Variants in DDR2 observed in about 807,000 individuals in gnomAD.
The protein encoded by DDR2 is discoidin domain-containing receptor 2.
DDR2 carries 27 observed loss-of-function variants against 94.9 expected under a neutral mutation model. That is an observed-to-expected ratio of 0.28 (90% CI 0.21 to 0.39). DDR2 has a LOEUF of 0.39. Ranked by LOEUF, DDR2 falls within the 10% of genes least tolerant of loss-of-function variation. The pLI, the probability that DDR2 is intolerant of heterozygous loss-of-function variation, is 1.00. For synonymous variants in DDR2, 382 were observed against 377.2 expected (o/e 1.01, Z -0.15); for missense variants, 783 against 1,076.0 (o/e 0.73, Z 3.81).
chr1:162,745,509 TATG>T (rs1662809517), intron 3 of DDR2, among the ~76,000 whole-genome samples: 1 of 152,218 alleles, frequency 6.6e-6, no homozygotes, highest in East Asian at 1.9e-4. Context: ...GGGTACAATG[TATG>T]ATAATAGTTT....
chr1:162,671,620 C>G (rs1394336822), intron 2 of DDR2, among the ~76,000 whole-genome samples: 1 of 152,130 alleles, frequency 6.6e-6, no homozygotes, highest in Non-Finnish European at 1.5e-5. Context: ...GTCAGGCTGC[C>G]CCTGGCTTTG....
chr1:162,698,143 A>G (rs1417676354), intron 2 of DDR2, among the ~76,000 whole-genome samples: 1 of 152,214 alleles, frequency 6.6e-6, no homozygotes, highest in African/African-American at 2.4e-5. Context: ...GCTGAATGAA[A>G]TTGAACATGG....
intron 2 of DDR2, among the ~76,000 whole-genome samples, chr1:162,708,758 T>A (rs1198255053): frequency 6.6e-6 from 1 of 152,222 alleles, no homozygotes; most frequent in Non-Finnish European, 1.5e-5. Context: ...GAAGTTTGTA[T>A]TGTTGTTCTT....
At chr1:162,736,956 G>C (rs1018877345) in intron 3 of DDR2, among the ~76,000 whole-genome samples, 1 of 152,212 alleles carries the variant, frequency 6.6e-6, no homozygotes, top group Non-Finnish European at 1.5e-5. Flanking sequence ...GGGGATGTCT[G>C]ATTCCATGTC....
At chr1:162,690,366 G>A (rs1659910328) in intron 2 of DDR2, among the ~76,000 whole-genome samples, 1 of 152,088 alleles carries the variant, frequency 6.6e-6, no homozygotes, top group African/African-American at 2.4e-5. Flanking sequence ...TTTGGGGTTA[G>A]GACACTCATG....
intron 2 of DDR2, among the ~76,000 whole-genome samples, chr1:162,693,695 A>G (rs1226001810): frequency 1.3e-5 from 2 of 152,150 alleles, no homozygotes; most frequent in African/African-American, 2.4e-5. Flanking sequence ...GTGTTGTTTT[A>G]TATGGGGTGG....
chr1:162,773,436 T>G, intron 13 of DDR2, 33 bp from the exon 14 acceptor site: 1 of 1,611,802 alleles, frequency 6.2e-7, no homozygotes, highest in Non-Finnish European at 8.5e-7. Context: ...TCAGGAGAAA[T>G]GATGATGCTG....
At chr1:162,645,800 T>C (rs927076205) in intron 1 of DDR2, among the ~76,000 whole-genome samples, 3 of 152,220 alleles carry the variant, frequency 2.0e-5, no homozygotes, top group Non-Finnish European at 2.9e-5. Context: ...TTTTAAATTG[T>C]TTACTCACTT....
At chr1:162,631,357 A>G (rs2101873181), upstream of DDR2, 1 of 152,194 alleles carries the variant, frequency 6.6e-6, no homozygotes, top group African/African-American at 2.4e-5. Flanking sequence ...AGACTGTGCA[A>G]TCCCAGATTA....
chr1:162,746,425 G>A (rs1171397648), intron 3 of DDR2, among the ~76,000 whole-genome samples: 2 of 152,324 alleles, frequency 1.3e-5, no homozygotes, highest in African/African-American at 4.8e-5. Flanking sequence ...TGGGGGAGGG[G>A]CCTCTGCCAT....
rs562134493 is a variant in DDR2, at chr1:162,748,016, G to A, written c.83-5079G>A. Among the ~76,000 whole-genome samples, 14 of 152,242 alleles carry A rather than the reference G, an allele frequency of 9.2e-5. No homozygotes were observed. The South Asian group carries it at 2.3e-3, about 25-fold the overall frequency. ...CTGAAGGAAGTGCTAAACATGGAAA[G>A]GAAAAACCAGTATCAGCCACTGCAA... On this transcript the variant is annotated intron_variant, in intron 3 of 17. Transcript: ENST00000367921.
chr1:162,681,200 A>T (rs1022796957), intron 2 of DDR2, among the ~76,000 whole-genome samples: 2 of 152,194 alleles, frequency 1.3e-5, no homozygotes, highest in Non-Finnish European at 2.9e-5. Flanking sequence ...CACTGTACTC[A>T]GCCTTGACAC....
chr1:162,773,191 G>A (rs1307342007), intron 13 of DDR2, among the ~76,000 whole-genome samples: 2 of 152,216 alleles, frequency 1.3e-5, no homozygotes, highest in East Asian at 1.9e-4. Flanking sequence ...GGGCTATGCT[G>A]TAATATAATA....
chr1:162,774,314 C>CCAGAGAAACTGGCTGTATGTGTGGAG (rs1396883014), intron 14 of DDR2, among the ~76,000 whole-genome samples: 9 of 152,188 alleles, frequency 5.9e-5, no homozygotes, highest in Non-Finnish European at 1.3e-4. Flanking sequence ...GAGAAATCTC[C>CCAGAGAAACTGGCTGTATGTGTGGAG]ACACCTGGAT....
intron 3 of DDR2, among the ~76,000 whole-genome samples, chr1:162,740,546 G>A (rs1337480343): frequency 6.6e-6 from 1 of 152,086 alleles, no homozygotes; most frequent in South Asian, 2.1e-4. Flanking sequence ...TCTGCTCCGA[G>A]TCACCTTATC....
At position 162,778,829 on chromosome 1, in the gene DDR2, G is replaced by A. The variant is rs536895643; in HGVS notation, c.2433+100G>A. ...CAGGAGTGGGCCGAGATGGAAGACA[G>A]ACTATCCAGGTGTTAGTCTTTGTCA... is the stretch of plus-strand genomic sequence containing the variant. On this transcript the variant is annotated intron_variant, in intron 17 of 17. Transcript: ENST00000367921. 4.1e-5 allele frequency: 60 copies of A among 1,470,814 alleles called. 1 individual carries two copies. The South Asian group carries it at 5.9e-4, about 14-fold the overall frequency. The allele number at this position is 1,470,814 out of a possible 1,614,324, so 91.1% of individuals were successfully genotyped here.
chr1:162,777,739 G>A (rs943883992), intron 16 of DDR2: 3 of 152,172 alleles, frequency 2.0e-5, no homozygotes, highest in African/African-American at 7.2e-5. Context: ...AACTGGCATG[G>A]TGGTATGTAC....
chr1:162,745,488 A>C lies in DDR2; in HGVS notation c.83-7607A>C, dbSNP rs80290525. Among the ~76,000 whole-genome samples, 1,445 of 151,996 alleles carry C rather than the reference A, an allele frequency of 9.5e-3. 22 individuals are homozygous for C. Among genetic ancestry groups the C allele is most frequent in the African/African-American group, 0.033 (1,380 of 41,450 alleles). On this transcript the variant is annotated intron_variant, in intron 3 of 17. Transcript: ENST00000367921. ...ATGTTTAAATCTTTAATCCATTTTG[A>C]GTTGATTTTTGGGTACAATGTATGA...
At chr1:162,741,939 T>C (rs991347532) in intron 3 of DDR2, among the ~76,000 whole-genome samples, 5 of 152,322 alleles carry the variant, frequency 3.3e-5, no homozygotes, top group African/African-American at 1.2e-4. Context: ...GCCATTTTCT[T>C]TGTGTGATTT....
Sources: gnomAD v4.1 joint callset for allele counts (sites outside exome capture counted in the v4.1 genomes callset) on GRCh38, gnomAD v4.1.1 for gene constraint, MANE v1.5 for transcripts, NCBI Gene and HGNC (gene_info 2026-07-23, HGNC 2026-07-21) for gene names.